The following KNTC1 variants were observed in gnomAD, a reference collection of about 807,000 sequenced individuals.
KNTC1 encodes kinetochore-associated protein 1.
A neutral mutation model predicts 314.4 loss-of-function variants in KNTC1; 253 were observed. The observed-to-expected ratio is 0.80, with a 90% CI of 0.73 to 0.89. The LOEUF is 0.89. KNTC1 is among the 40% of genes least tolerant of loss of function. The pLI is 0.00. For synonymous variants in KNTC1, 901 were observed against 901.4 expected (o/e 1.00, Z 0.01); for missense variants, 2,475 against 2,572.9 (o/e 0.96, Z 0.82).
rs778048451 is a variant in KNTC1 at position 122,577,656 on chromosome 12, C to G, written c.2722-16C>G. The G allele has an allele frequency of 1.2e-6, 2 of 1,601,968 alleles. No homozygotes were observed. The highest frequency in any genetic ancestry group is 1.7e-6 in the Non-Finnish European group (2 of 1,175,218). ...AATACCAGCTGTTTTTTCTTCCTTT[C>G]AAACCCTGTTTATAGGGTGAAGACT... On this transcript the variant is annotated splice_polypyrimidine_tract_variant and intron_variant, in intron 30 of 63. Coordinates refer to ENST00000333479, the MANE Select transcript of KNTC1 (RefSeq NM_014708.6).
At position 122,537,830 on chromosome 12, in the gene KNTC1, G is replaced by A. The variant is rs530041703; in HGVS notation, c.251-509G>A. ...GAACAAAGTTTACCATATAGTAAGTGCTCAGTAAATATTTCTTGACCAGCT... is the reference window on the plus strand; with the variant it reads ...GAACAAAGTTTACCATATAGTAAGTACTCAGTAAATATTTCTTGACCAGCT... On this transcript the variant is annotated intron_variant, in intron 3 of 63. Transcript: ENST00000333479. Among the ~76,000 whole-genome samples, 106 of 152,212 alleles carry A rather than the reference G, an allele frequency of 7.0e-4. 1 individual carries two copies. The South Asian group carries it at 0.022, about 31-fold the overall frequency.
At chr12:122,589,839 A>G (rs1246247462) in intron 40 of KNTC1, among the ~76,000 whole-genome samples, 1 of 129,748 alleles carries the variant, frequency 7.7e-6, no homozygotes, top group African/African-American at 3.1e-5. Context: ...GCTGGAGTGC[A>G]GTGGCGCGAT....
In KNTC1 at chr12:122,618,376, A is replaced by G. The variant is rs759866115; in HGVS notation, c.6064A>G (p.Ile2022Val). The G allele has an allele frequency of 6.2e-6, 10 of 1,613,824 alleles. No individual in the cohort carries two copies. The East Asian group carries it at 2.2e-4, about 36-fold the overall frequency. The change falls in exon 58 of 64, where the codon ATA becomes GTA. Residue 2022 changes from isoleucine to valine, a missense_variant. Ile to Val is a conservative substitution (Grantham distance 29). Coordinates refer to ENST00000333479, the MANE Select transcript of KNTC1 (RefSeq NM_014708.6). The stretch of plus-strand genomic sequence containing the variant: ...CTTCAGCAAAGCGTGGCAGCGTGTG[A>G]TACAGATACCACTGCTTTCAGGTAT... Reference protein sequence around the residue: ...PYFSKAWQRVIQIPLLSASCP... With the variant: ...PYFSKAWQRVVQIPLLSASCP...
chr12:122,594,436 C>G, intron 43 of KNTC1, 51 bp downstream of exon 43: 1 of 1,010,374 alleles, frequency 9.9e-7, no homozygotes, highest in Non-Finnish European at 1.5e-6. Context: ...ACTGGTAATT[C>G]TTTTGCAAGA....
Position 122,573,136 on chromosome 12 carries a change from A to C in KNTC1, c.2140-6A>C, listed in dbSNP as rs1201068859. The C allele has an allele frequency of 1.2e-6, 2 of 1,613,828 alleles. No homozygotes were observed. The stretch of plus-strand genomic sequence containing the variant: ...GTATTTATTCCATCTTTCTTTTGGC[A>C]TCCAGGAAAATACAACCACCATAGT... On this transcript the variant is annotated splice_polypyrimidine_tract_variant and splice_region_variant and intron_variant, in intron 25 of 63. Coordinates refer to ENST00000333479, the MANE Select transcript of KNTC1 (RefSeq NM_014708.6).
intron 16 of KNTC1, among the ~76,000 whole-genome samples, chr12:122,556,823 T>C (rs946592446): frequency 6.6e-6 from 1 of 151,886 alleles, no homozygotes; most frequent in African/African-American, 2.4e-5. Context: ...TGAGATCATA[T>C]AGTGTTTTTT....
At chr12:122,550,733 G>C (rs1300045986) in intron 13 of KNTC1, among the ~76,000 whole-genome samples, 2 of 152,216 alleles carry the variant, frequency 1.3e-5, no homozygotes, top group Non-Finnish European at 2.9e-5. Context: ...AAGCTCCTGA[G>C]CTCAAGTGAG....
intron 53 of KNTC1, among the ~76,000 whole-genome samples, chr12:122,612,130 A>G (rs537123080): frequency 2.0e-5 from 3 of 151,786 alleles, no homozygotes; most frequent in Non-Finnish European, 2.9e-5. Context: ...CAGTGGCACA[A>G]TCTTGGCTCA....
intron 2 of KNTC1, among the ~76,000 whole-genome samples, chr12:122,531,678 T>G (rs1323955672): frequency 6.6e-6 from 1 of 152,276 alleles, no homozygotes; most frequent in South Asian, 2.1e-4. Context: ...TTTGAATCCT[T>G]CGAGACATCT....
intron 15 of KNTC1, 47 bp downstream of exon 15, chr12:122,551,570 A>C: frequency 6.2e-7 from 1 of 1,601,492 alleles, no homozygotes; most frequent in Non-Finnish European, 8.6e-7. Flanking sequence ...TGAATAACTT[A>C]AATTCCCTGA....
chr12:122,558,152 A>T (rs1963730326), intron 18 of KNTC1, among the ~76,000 whole-genome samples: 1 of 152,132 alleles, frequency 6.6e-6, no homozygotes, highest in African/African-American at 2.4e-5. Flanking sequence ...AGGGAGGCTG[A>T]GGCACAAGAA....
chr12:122,614,122 C>T (rs993361718), intron 55 of KNTC1, among the ~76,000 whole-genome samples: 4 of 152,156 alleles, frequency 2.6e-5, no homozygotes, highest in Non-Finnish European at 4.4e-5. Flanking sequence ...TGAGCCACTG[C>T]ACCCGACCCA....
At chr12:122,564,159 G>T (rs1964156966) in intron 20 of KNTC1, among the ~76,000 whole-genome samples, 2 of 151,938 alleles carry the variant, frequency 1.3e-5, no homozygotes, top group East Asian at 3.9e-4. Context: ...TGTATTTTTA[G>T]TAGAGACGGT....
intron 2 of KNTC1, among the ~76,000 whole-genome samples, chr12:122,531,316 C>T (rs982118511): frequency 2.0e-5 from 3 of 152,012 alleles, no homozygotes; most frequent in Non-Finnish European, 4.4e-5. Context: ...AAAAAATTCT[C>T]CTGTCTCAAT....
intron 43 of KNTC1, 37 bp from the exon 44 acceptor site, chr12:122,597,694 G>A (rs374310376): frequency 6.4e-7 from 1 of 1,565,310 alleles, no homozygotes; most frequent in South Asian, 1.1e-5. Context: ...AATGCCTGCA[G>A]TTTGGGAGAC....
intron 5 of KNTC1, among the ~76,000 whole-genome samples, chr12:122,541,291 T>G (rs7961578): frequency 0.012 from 685 of 59,368 alleles, 8 homozygotes; most frequent in African/African-American, 0.021. Context: ...CTGCCTGCCT[T>G]CCTTCCTTCC....
intron 44 of KNTC1, among the ~76,000 whole-genome samples, chr12:122,599,470 A>C (rs574938793): frequency 6.6e-6 from 1 of 151,674 alleles, no homozygotes; most frequent in Admixed American, 6.6e-5. Context: ...TCCTGCCTCA[A>C]CCTTCCAACT....
rs1429002196 is a variant in KNTC1, at chr12:122,527,579, T to C, written c.-74+228T>C. ...TCGTATTCGCGAATCTGTTCTGCAT[T>C]CCGCCGCCAGAGTGATCTCAAAATT... is the stretch of plus-strand genomic sequence containing the variant. On this transcript the variant is annotated intron_variant, in intron 1 of 63. Coordinates refer to ENST00000333479, the MANE Select transcript of KNTC1 (RefSeq NM_014708.6). 3 of 152,484 alleles carry C rather than the reference T, an allele frequency of 2.0e-5. No homozygotes were observed. The East Asian group carries it at 5.8e-4, about 29-fold the overall frequency. The allele number at this position is 152,484 out of a possible 1,614,324, so 9.4% of individuals were successfully genotyped here. A position where few individuals can be genotyped will look rare whatever the true frequency, so the allele number is the denominator to read the frequency against.
chr12:122,540,002 G>T (rs565982591), intron 5 of KNTC1, among the ~76,000 whole-genome samples: 1 of 150,982 alleles, frequency 6.6e-6, no homozygotes, highest in Non-Finnish European at 1.5e-5. Context: ...CTGGTCTCAA[G>T]CTCCTGACCT....
Sources: allele counts gnomAD v4.1 joint callset (sites outside exome capture counted in the v4.1 genomes callset), GRCh38; gene constraint gnomAD v4.1.1; transcripts MANE v1.5; gene names NCBI Gene and HGNC (gene_info 2026-07-23, HGNC 2026-07-21).